The following STEAP1B variants were observed in gnomAD, a reference collection of about 807,000 sequenced individuals.
STEAP1B encodes the protein STEAP family member 1B.
STEAP1B carries 13 observed loss-of-function variants against 27.9 expected under a neutral mutation model. The observed-to-expected ratio is 0.47, with a 90% confidence interval of 0.30 to 0.74. The LOEUF is 0.74. STEAP1B is among the 30% of genes least tolerant of loss of function. The pLI is 0.06. For synonymous variants in STEAP1B, 86 were observed against 107.1 expected (o/e 0.80, Z 1.22); for missense variants, 250 against 298.7 (o/e 0.84, Z 1.20).
chr7:22,473,722 G>A (rs1488591121), intron 4 of STEAP1B, among the ~76,000 whole-genome samples: 1 of 152,210 alleles, frequency 6.6e-6, no homozygotes, highest in Non-Finnish European at 1.5e-5. Context: ...AGATGATTGT[G>A]AAGTTAGGGC....
At chr7:22,483,844 C>T (rs1206366681) in intron 4 of STEAP1B, among the ~76,000 whole-genome samples, 2 of 152,184 alleles carry the variant, frequency 1.3e-5, no homozygotes, top group Non-Finnish European at 2.9e-5. Context: ...TTATTAAGTT[C>T]ACTGTCTCAT....
At chr7:22,469,326 C>A (rs1253063454) in intron 4 of STEAP1B, among the ~76,000 whole-genome samples, 1 of 152,060 alleles carries the variant, frequency 6.6e-6, no homozygotes, top group African/African-American at 2.4e-5. Flanking sequence ...AGTGTTACTA[C>A]AAAAGAGTCA....
intron 1 of STEAP1B, among the ~76,000 whole-genome samples, chr7:22,499,215 C>T (rs1030817055): frequency 6.6e-6 from 1 of 152,208 alleles, no homozygotes; most frequent in African/African-American, 2.4e-5. Context: ...CCCTGGTGTT[C>T]CTAAATGTTG....
chr7:22,447,279 C>T (rs1785422962), intron 4 of STEAP1B, among the ~76,000 whole-genome samples: 1 of 152,138 alleles, frequency 6.6e-6, no homozygotes, highest in Admixed American at 6.5e-5. Context: ...TTATTAAATG[C>T]CAGGCCAACT....
rs143130274 is a variant in STEAP1B, at chr7:22,455,212, T to C, written c.763-35376A>G. Among the ~76,000 whole-genome samples the C allele has an allele frequency of 1.5e-4, 23 of 152,280 alleles. No individual in the cohort carries two copies. In the East Asian group the frequency reaches 4.4e-3, roughly 29 times the overall value. On this transcript the variant is annotated intron_variant, in intron 4 of 4. Coordinates refer to ENST00000678116, the MANE Select transcript of STEAP1B (RefSeq NM_001382447.1). Reference sequence around the variant, plus strand: ...GAGCAGTCAGAAAGGGTCAAGTCATTGTTGAGAGACCATAAATCAGGATCT... The same window carrying C: ...GAGCAGTCAGAAAGGGTCAAGTCATCGTTGAGAGACCATAAATCAGGATCT...
intron 4 of STEAP1B, among the ~76,000 whole-genome samples, chr7:22,449,349 C>G (rs889653590): frequency 1.3e-5 from 2 of 152,166 alleles, no homozygotes; most frequent in African/African-American, 4.8e-5. Context: ...TCCATGAGTT[C>G]AATTGTTTTG....
intron 4 of STEAP1B, among the ~76,000 whole-genome samples, chr7:22,460,689 G>A (rs749136669): frequency 1.3e-5 from 2 of 152,140 alleles, no homozygotes; most frequent in Non-Finnish European, 2.9e-5. Flanking sequence ...CAAGCTTGCA[G>A]AGGGATGACA....
At chr7:22,421,555 C>T (rs758001295) in intron 4 of STEAP1B, among the ~76,000 whole-genome samples, 2 of 152,216 alleles carry the variant, frequency 1.3e-5, no homozygotes, top group African/African-American at 2.4e-5. Flanking sequence ...TCCCTGTTGC[C>T]TGCAGGCACA....
intron 4 of STEAP1B, among the ~76,000 whole-genome samples, chr7:22,445,951 A>T (rs989874235): frequency 6.6e-5 from 10 of 152,334 alleles, no homozygotes; most frequent in East Asian, 3.9e-4. Context: ...GAGAGTTTTT[A>T]AAAAAATGAA....
intron 4 of STEAP1B, among the ~76,000 whole-genome samples, chr7:22,488,444 G>A (rs762294593): frequency 8.5e-5 from 13 of 152,188 alleles, no homozygotes; most frequent in Non-Finnish European, 1.5e-4. Flanking sequence ...AGTCACCCTC[G>A]AGGCTGAGTG....
intron 4 of STEAP1B, among the ~76,000 whole-genome samples, chr7:22,429,513 A>G (rs570810726): frequency 5.6e-4 from 86 of 152,258 alleles, no homozygotes; most frequent in African/African-American, 1.9e-3. Flanking sequence ...TAAACCCTAT[A>G]TATACTATAG....
At chr7:22,486,273 C>T (rs1786207298) in intron 4 of STEAP1B, among the ~76,000 whole-genome samples, 1 of 152,204 alleles carries the variant, frequency 6.6e-6, no homozygotes, top group African/African-American at 2.4e-5. Context: ...AGGAAACTGA[C>T]TAGAAAGGAC....
intron 4 of STEAP1B, among the ~76,000 whole-genome samples, chr7:22,436,894 AT>A (rs1785261989): frequency 1.3e-5 from 2 of 152,202 alleles, no homozygotes; most frequent in South Asian, 4.1e-4. Context: ...ATTTATATTC[AT>A]TTGGGTCTAT....
chr7:22,496,114 T>G (rs573338974), intron 1 of STEAP1B, among the ~76,000 whole-genome samples: 1 of 152,236 alleles, frequency 6.6e-6, no homozygotes, highest in African/African-American at 2.4e-5. Context: ...GTGATACTGA[T>G]GATCCTGACC....
intron 4 of STEAP1B, among the ~76,000 whole-genome samples, chr7:22,429,020 G>C (rs1341251926): frequency 6.6e-6 from 1 of 152,102 alleles, no homozygotes; most frequent in East Asian, 1.9e-4. Flanking sequence ...TTTTTGATCT[G>C]ACAGTATGAA....
At chr7:22,460,925 A>C (rs573626848) in intron 4 of STEAP1B, among the ~76,000 whole-genome samples, 1 of 152,210 alleles carries the variant, frequency 6.6e-6, no homozygotes, top group Non-Finnish European at 1.5e-5. Context: ...TTAAAGGAGA[A>C]ATACTTAAAG....
chr7:22,452,723 A>G (rs1015424073), intron 4 of STEAP1B, among the ~76,000 whole-genome samples: 5 of 152,302 alleles, frequency 3.3e-5, no homozygotes, highest in Middle Eastern at 3.4e-3. Context: ...CAGGAACTAC[A>G]TGGTTCCCTT....
chr7:22,430,501 G>A (rs1045217091), intron 4 of STEAP1B, among the ~76,000 whole-genome samples: 21 of 152,196 alleles, frequency 1.4e-4, no homozygotes, highest in African/African-American at 5.1e-4. Context: ...ATTGGACCTT[G>A]GACTGTTGGA....
At chr7:22,448,890 G>T (rs1785445646) in intron 4 of STEAP1B, among the ~76,000 whole-genome samples, 1 of 152,190 alleles carries the variant, frequency 6.6e-6, no homozygotes, top group Admixed American at 6.5e-5. Context: ...GGGGCCATGG[G>T]ACACACGAAC....
Sources: gnomAD v4.1 joint callset for allele counts (sites outside exome capture counted in the v4.1 genomes callset) on GRCh38, gnomAD v4.1.1 for gene constraint, MANE v1.5 for transcripts, NCBI Gene and HGNC (gene_info 2026-07-23, HGNC 2026-07-21) for gene names.